XKR6: variants seen among roughly 807,000 people sequenced by gnomAD.
The protein encoded by XKR6 is XK-related protein 6.
XKR6 carries 22 observed loss-of-function variants against 56.7 expected under a neutral mutation model. The observed-to-expected ratio is 0.39, with a 90% CI of 0.28 to 0.55. XKR6 has a LOEUF of 0.55. XKR6 is among the 20% of genes least tolerant of loss of function. The pLI, the probability that XKR6 is intolerant of heterozygous loss-of-function variation, is 0.66. For synonymous variants in XKR6, 524 were observed against 387.8 expected, an observed-to-expected ratio of 1.35 and a Z score of -4.13; for missense variants, 852 against 889.0, an observed-to-expected ratio of 0.96 and a Z score of 0.53.
intron 1 of XKR6, chr8:11,108,438 G>T (rs886798363): frequency 4.7e-6 from 2 of 427,904 alleles, no homozygotes; most frequent in Non-Finnish European, 9.3e-6. Context: ...CTTCATAATT[G>T]TTAGAAATGT....
chr8:11,128,576 CA>C (rs1799944285), intron 1 of XKR6, among the ~76,000 whole-genome samples: 1 of 152,182 alleles, frequency 6.6e-6, no homozygotes, highest in Non-Finnish European at 1.5e-5. Flanking sequence ...CAAAGTGAGG[CA>C]GTTTTAATGA....
chr8:11,031,771 A>T (rs1798999445), intron 1 of XKR6, among the ~76,000 whole-genome samples: 1 of 152,254 alleles, frequency 6.6e-6, no homozygotes, highest in African/African-American at 2.4e-5. Flanking sequence ...TAAACGTGAC[A>T]GTGAAACTAG....
chr8:11,164,739 T>G (rs946617247), intron 1 of XKR6, among the ~76,000 whole-genome samples: 1 of 152,240 alleles, frequency 6.6e-6, no homozygotes, highest in African/African-American at 2.4e-5. Flanking sequence ...CTAACTACAC[T>G]GTTCTTCTCT....
chr8:10,974,599 A>G (rs1258419242), intron 1 of XKR6, among the ~76,000 whole-genome samples: 1 of 152,190 alleles, frequency 6.6e-6, no homozygotes, highest in East Asian at 1.9e-4. Context: ...CTTGGTGAGG[A>G]AGAGGTGACA....
At chr8:10,970,483 A>G (rs866289410) in intron 1 of XKR6, among the ~76,000 whole-genome samples, 1 of 152,156 alleles carries the variant, frequency 6.6e-6, no homozygotes, top group South Asian at 2.1e-4. Context: ...CAATAACACA[A>G]CAAGCACTCC....
At chr8:10,901,901 A>T (rs1800044992) in intron 2 of XKR6, among the ~76,000 whole-genome samples, 1 of 152,170 alleles carries the variant, frequency 6.6e-6, no homozygotes, top group African/African-American at 2.4e-5. Flanking sequence ...GGCCCCGTTC[A>T]CACCAATAAT....
chr8:11,153,477 A>G (rs1801358036), intron 1 of XKR6, among the ~76,000 whole-genome samples: 1 of 152,240 alleles, frequency 6.6e-6, no homozygotes, highest in Non-Finnish European at 1.5e-5. Context: ...ACTTTGATAA[A>G]GTCAATATAA....
intron 1 of XKR6, among the ~76,000 whole-genome samples, chr8:11,151,763 C>A (rs1159916812): frequency 6.6e-6 from 1 of 151,890 alleles, no homozygotes; most frequent in Non-Finnish European, 1.5e-5. Context: ...TGCCTTACAT[C>A]CCCCCGCTCC....
At chr8:11,129,914 G>C (rs1004915980) in intron 1 of XKR6, among the ~76,000 whole-genome samples, 2 of 152,040 alleles carry the variant, frequency 1.3e-5, no homozygotes, top group Admixed American at 1.3e-4. Flanking sequence ...TATATAACAG[G>C]AGATGAGGAA....
At chr8:11,114,773 G>GTGTGTGTGTGTGTGTGTATA (rs34746866) in intron 1 of XKR6, among the ~76,000 whole-genome samples, 10 of 146,502 alleles carry the variant, frequency 6.8e-5, no homozygotes, top group Non-Finnish European at 1.1e-4. Flanking sequence ...GTGTGTGTGT[G>GTGTGTGTGTGTGTGTGTATA]TATGTGCCAG....
intron 2 of XKR6, among the ~76,000 whole-genome samples, chr8:10,923,479 C>T (rs1800785085): frequency 1.3e-5 from 2 of 152,240 alleles, no homozygotes; most frequent in Non-Finnish European, 2.9e-5. Flanking sequence ...GGTCCCCAGG[C>T]TTTGAATGCC....
At chr8:11,040,705 T>A (rs75986982) in intron 1 of XKR6, among the ~76,000 whole-genome samples, 9,704 of 152,230 alleles carry the variant, frequency 0.064, 367 homozygotes, top group South Asian at 0.11. Flanking sequence ...ATCAGGGCAC[T>A]AACACCATCA....
intron 1 of XKR6, among the ~76,000 whole-genome samples, chr8:10,946,817 G>A (rs1036116747): frequency 6.6e-6 from 1 of 152,146 alleles, no homozygotes; most frequent in African/African-American, 2.4e-5. Flanking sequence ...AGCAGGAAAG[G>A]CTTCTAATTC....
intron 1 of XKR6, among the ~76,000 whole-genome samples, chr8:11,053,767 A>T (rs1217455925): frequency 6.6e-6 from 1 of 152,240 alleles, no homozygotes; most frequent in African/African-American, 2.4e-5. Flanking sequence ...AACATCCCCC[A>T]GTCCACATGA....
At chr8:11,085,442 G>A (rs962274043) in intron 1 of XKR6, among the ~76,000 whole-genome samples, 3 of 150,558 alleles carry the variant, frequency 2.0e-5, no homozygotes. Flanking sequence ...TGAAAGAGGT[G>A]TGTGTGTGTG....
intron 1 of XKR6, among the ~76,000 whole-genome samples, chr8:10,956,293 T>C (rs1302664233): frequency 6.7e-6 from 1 of 149,634 alleles, no homozygotes; most frequent in Admixed American, 6.7e-5. Flanking sequence ...GTCATTTCAT[T>C]TCCTTTACTT....
rs113132467 is a variant in XKR6 at position 11,193,065 on chromosome 8, C to A, written c.764+7511G>T. On this transcript the variant is annotated intron_variant, in intron 1 of 2. Coordinates refer to ENST00000416569, the MANE Select transcript of XKR6 (RefSeq NM_173683.4). The stretch of plus-strand genomic sequence containing the variant: ...TAGCTCACCTACCCATGAGTGAAAG[C>A]ATGTGGCCAGGGCAAACCGTAATTA... Among the ~76,000 whole-genome samples, 293 of 152,310 alleles carry A rather than the reference C, an allele frequency of 1.9e-3. 1 individual carries two copies. The highest frequency in any genetic ancestry group is 6.7e-3 in the African/African-American group (280 of 41,564).
intron 2 of XKR6, among the ~76,000 whole-genome samples, chr8:10,902,954 G>A (rs1800080826): frequency 1.3e-5 from 2 of 152,136 alleles, no homozygotes; most frequent in African/African-American, 4.8e-5. Flanking sequence ...ACATTTTTTG[G>A]GACCGGAGTT....
At chr8:11,182,478 A>G (rs1279436218) in intron 1 of XKR6, among the ~76,000 whole-genome samples, 2 of 152,236 alleles carry the variant, frequency 1.3e-5, no homozygotes, top group African/African-American at 4.8e-5. Flanking sequence ...TTTAGGTGAC[A>G]TCTGAGACTG....
Sources: gnomAD v4.1 joint callset for allele counts (sites outside exome capture counted in the v4.1 genomes callset) on GRCh38, gnomAD v4.1.1 for gene constraint, MANE v1.5 for transcripts, NCBI Gene and HGNC (gene_info 2026-07-23, HGNC 2026-07-21) for gene names.